RYR1: variants seen among roughly 807,000 people sequenced by gnomAD.
RYR1 encodes the protein ryanodine receptor 1, also known as central core disease of muscle.
A neutral mutation model predicts 583.5 loss-of-function variants in RYR1; 342 were observed. The observed-to-expected ratio is 0.59, with a 90% CI of 0.54 to 0.64. The LOEUF (loss-of-function observed/expected upper bound fraction) is 0.64, where lower values mean the gene tolerates loss of function less well. Ranked by LOEUF, RYR1 falls within the 30% of genes least tolerant of loss-of-function variation. The pLI, the probability that RYR1 is intolerant of heterozygous loss-of-function variation, is 0.00. For missense variants in RYR1, 6,032 were observed against 6,917.2 expected, an observed-to-expected ratio of 0.87 and a Z score of 4.54; for synonymous variants, 2,791 against 2,822.5, an observed-to-expected ratio of 0.99 and a Z score of 0.35.
At chr19:38,531,326 G>A (rs906727475) in intron 76 of RYR1, among the ~76,000 whole-genome samples, 13 of 152,082 alleles carry the variant, frequency 8.5e-5, no homozygotes, top group African/African-American at 2.2e-4. Flanking sequence ...GATCCCAGCC[G>A]AGAAGGGTCT....
rs748417871 is a variant in RYR1, at chr19:38,567,793, A to G, written c.13535A>G (p.Glu4512Gly). Residue 4512 changes from glutamate to glycine, a missense_variant, in exon 93 of 106, where the codon GAA becomes GGA. This residue lies in a region of RYR1 where 753 missense variants were observed against 759.6 expected (regional missense o/e 0.99). Coordinates refer to ENST00000359596, the MANE Select transcript of RYR1 (RefSeq NM_000540.3). Reference protein sequence around the residue: ...EKADAENGEKEEVPEPTPEPP... With the variant: ...EKADAENGEKGEVPEPTPEPP... The stretch of plus-strand genomic sequence containing the variant: ...TGCAGTGCCGAGAATGGGGAGAAGG[A>G]AGAAGTTCCCGAGCCCACACCAGAG... 6.2e-7 allele frequency: 1 copy of G among 1,614,112 alleles called. No homozygotes were observed. The highest frequency in any genetic ancestry group is 8.5e-7 in the Non-Finnish European group (1 of 1,180,014).
In RYR1 at chr19:38,565,565, G is replaced by A. The variant is rs987061637; in HGVS notation, c.13231G>A (p.Gly4411Ser). The A allele has an allele frequency of 6.1e-6, 9 of 1,478,146 alleles. No homozygotes were observed. The highest frequency in any genetic ancestry group is 5.8e-5 in the African/African-American group (4 of 68,426). 91.6% of individuals were successfully genotyped at this position (1,478,146 alleles called of 1,614,324 possible). ...GDADGEGASE[G>S]AGDAAEGAGD... ...CGCAGACGGCGAGGGTGCCAGCGAGGGCGCTGGAGACGCCGCGGAGGGCGC... is the reference window on the plus strand; with the variant it reads ...CGCAGACGGCGAGGGTGCCAGCGAGAGCGCTGGAGACGCCGCGGAGGGCGC... The change falls in exon 91 of 106, where the codon GGC becomes AGC. Residue 4411 changes from glycine to serine, a missense_variant. Gly to Ser is a moderately conservative substitution (Grantham distance 56). Coordinates refer to ENST00000359596, the MANE Select transcript of RYR1 (RefSeq NM_000540.3). This position sits in a 1 kb window ranked among gnomAD's most constrained non-coding sequence, Gnocchi z 4.7.
At chr19:38,452,365 G>A (rs992611749) in intron 12 of RYR1, among the ~76,000 whole-genome samples, 4 of 151,986 alleles carry the variant, frequency 2.6e-5, no homozygotes, top group South Asian at 2.1e-4. Flanking sequence ...TGCTTGAGCC[G>A]AGGGGGCAGA....
chr19:38,465,187 T>G (rs1367197455), intron 23 of RYR1, among the ~76,000 whole-genome samples: 2 of 151,804 alleles, frequency 1.3e-5, no homozygotes, highest in Non-Finnish European at 2.9e-5. Flanking sequence ...AACCTCAGAG[T>G]GGGCTGGGTG....
At chr19:38,516,333 T>G (rs923784479) in intron 65 of RYR1, 116 bp downstream of exon 65, 2 of 1,298,990 alleles carry the variant, frequency 1.5e-6, no homozygotes, top group Non-Finnish European at 2.1e-6. Context: ...CGGCTGAGGA[T>G]TCCCCAGGTT....
intron 37 of RYR1, among the ~76,000 whole-genome samples, chr19:38,492,207 G>T (rs1325481367): frequency 1.3e-5 from 2 of 151,862 alleles, no homozygotes; most frequent in African/African-American, 4.8e-5. Context: ...TACAGAAAAA[G>T]ATACAAAATT....
In RYR1 at chr19:38,483,400, C is replaced by A; in HGVS notation, c.4818C>A (p.Arg1606=). ...TGCTGATGCCAGTGTCCTGGAGCCG[C>A]ATGCCCAACCACTTCCTGCAGGTGG... ...MQMLMPVSWS[R]MPNHFLQVET... is the part of the protein sequence containing the mutation. The change falls in exon 33 of 106, where the codon CGC becomes CGA. Residue 1606 remains arginine (R), a synonymous_variant. Transcript: ENST00000359596. The surrounding 1 kb of genome is among the most constrained non-coding windows in gnomAD (Gnocchi z 6.3). The A allele has an allele frequency of 6.4e-7, 1 of 1,571,862 alleles. No homozygotes were observed. The highest frequency in any genetic ancestry group is 8.6e-7 in the Non-Finnish European group (1 of 1,159,874).
intron 101 of RYR1, among the ~76,000 whole-genome samples, chr19:38,581,170 C>T (rs917409366): frequency 1.3e-4 from 20 of 151,464 alleles, no homozygotes; most frequent in East Asian, 1.9e-4. Context: ...CTCCGCCTCC[C>T]GGGTTCATGC....
At chr19:38,503,237 A>G (rs1011294590) in intron 49 of RYR1, among the ~76,000 whole-genome samples, 9 of 152,216 alleles carry the variant, frequency 5.9e-5, no homozygotes, top group African/African-American at 2.2e-4. Context: ...TTCAATTAGC[A>G]TATATTTGCA....
In RYR1 at chr19:38,527,779, G is replaced by A; in HGVS notation, c.10819G>A (p.Asp3607Asn). ...QEVSAVLYYL[D>N]QTEHPYKSKK... The stretch of plus-strand genomic sequence containing the variant: ...AGTGTCAGCCGTGCTCTACTACCTG[G>A]ACCAGGTGGGTGGGGCCGGAGGGGT... The change falls in exon 73 of 106, where the codon GAC (aspartate) becomes AAC (asparagine). Residue 3607 changes from aspartate to asparagine, a missense_variant. Transcript: ENST00000359596. 1 of 1,614,034 alleles carries A rather than the reference G, an allele frequency of 6.2e-7. No individual in the cohort carries two copies. The highest frequency in any genetic ancestry group is 1.7e-5 in the Admixed American group (1 of 60,008).
At chr19:38,447,463 C>T (rs951627017) in intron 9 of RYR1, among the ~76,000 whole-genome samples, 46 of 152,216 alleles carry the variant, frequency 3.0e-4, no homozygotes, top group Admixed American at 2.6e-4. Context: ...ATCCCTTGAA[C>T]CCAGGAGGTG....
intron 96 of RYR1, among the ~76,000 whole-genome samples, chr19:38,574,456 A>G (rs778514044): frequency 6.7e-5 from 10 of 148,922 alleles, no homozygotes; most frequent in East Asian, 2.0e-4. Flanking sequence ...ATATCTTTAG[A>G]AAAAAAAAAC....
chr19:38,455,836 CA>C, intron 16 of RYR1, 85 bp downstream of exon 16: 1 of 839,398 alleles, frequency 1.2e-6, no homozygotes, highest in East Asian at 2.4e-5. Context: ...CTCACTCCCT[CA>C]CTTCCCTCCT....
In RYR1 at chr19:38,483,268, A is replaced by G; in HGVS notation, c.4708-22A>G. Reference sequence around the variant, plus strand: ...CAGAGGGGGCTGGCCATCTTGACCCATGTGTGTCTCTCTGCCCTCAGAACA... The same window carrying G: ...CAGAGGGGGCTGGCCATCTTGACCCGTGTGTGTCTCTCTGCCCTCAGAACA... On this transcript the variant is annotated intron_variant, in intron 32 of 105. Transcript: ENST00000359596. The surrounding 1 kb of genome is among the most constrained non-coding windows in gnomAD (Gnocchi z 6.3). 1 of 1,564,342 alleles carries G rather than the reference A, an allele frequency of 6.4e-7. No individual in the cohort carries two copies. The highest frequency in any genetic ancestry group is 8.7e-7 in the Non-Finnish European group (1 of 1,154,584).
At position 38,517,415 on chromosome 19, in the gene RYR1, C is replaced by A. The variant is rs761656403; in HGVS notation, c.9742C>A (p.Arg3248=). The A allele has an allele frequency of 1.2e-6, 2 of 1,614,064 alleles. No individual in the cohort carries two copies. Among genetic ancestry groups the A allele is most frequent in the South Asian group, 2.2e-5 (2 of 91,084 alleles). Residue 3248 remains arginine, a synonymous_variant, in exon 66 of 106, where the codon CGG becomes AGG. Coordinates refer to ENST00000359596, the MANE Select transcript of RYR1 (RefSeq NM_000540.3). ...EMCPDIPVLE[R]LMADIGGLAE... is the part of the protein sequence containing the mutation. ...GTGTCCCGACATCCCGGTGCTGGAG[C>A]GGCTCATGGCAGACATTGGGGGGCT...
chr19:38,525,229 C>A, intron 70 of RYR1, 103 bp from the exon 71 acceptor site: 1 of 1,369,380 alleles, frequency 7.3e-7, no homozygotes, highest in Non-Finnish European at 1.0e-6. Context: ...GGAGGGAGTG[C>A]CTGGTGTCCA....
intron 89 of RYR1, among the ~76,000 whole-genome samples, chr19:38,551,339 T>A (rs1463476760): frequency 6.6e-6 from 1 of 151,818 alleles, no homozygotes; most frequent in Non-Finnish European, 1.5e-5. Flanking sequence ...CGCCTCAGCC[T>A]CCCAGAGTGC....
At position 38,500,350 on chromosome 19, in the gene RYR1, G is replaced by T. The variant is rs573986309; in HGVS notation, c.7324-256G>T. Reference sequence around the variant, plus strand: ...GGAGAGGGGTCAGGATGGGGATGGGGTCACAGGGATAGGGGTCGGGGCCAG... The same window carrying T: ...GGAGAGGGGTCAGGATGGGGATGGGTTCACAGGGATAGGGGTCGGGGCCAG... On this transcript the variant is annotated intron_variant, in intron 45 of 105. Coordinates refer to ENST00000359596, the MANE Select transcript of RYR1 (RefSeq NM_000540.3). The surrounding 1 kb of genome is among the most constrained non-coding windows in gnomAD (Gnocchi z 5.9). 2.9e-4 allele frequency among the ~76,000 whole-genome samples: 43 copies of T among 146,468 alleles called. 1 individual carries two copies. The highest frequency in any genetic ancestry group is 1.0e-3 in the African/African-American group (40 of 39,762).
intron 78 of RYR1, among the ~76,000 whole-genome samples, chr19:38,534,482 A>C (rs1424310456): frequency 1.3e-5 from 2 of 152,220 alleles, no homozygotes; most frequent in East Asian, 3.8e-4. Flanking sequence ...CCATGGGCCC[A>C]GGTTAAGACT....
Sources: allele counts gnomAD v4.1 joint callset (sites outside exome capture counted in the v4.1 genomes callset), GRCh38; gene constraint gnomAD v4.1.1; regional missense constraint gnomAD v4.1.1; non-coding constraint Gnocchi (gnomAD v3.1); transcripts MANE v1.5; gene names NCBI Gene and HGNC (gene_info 2026-07-23, HGNC 2026-07-21).